Variants in STXBP5L observed in about 807,000 individuals in gnomAD.
STXBP5L encodes the protein syntaxin binding protein 5L.
A neutral mutation model predicts 144.5 loss-of-function variants in STXBP5L; 65 were observed. The ratio of observed to expected loss-of-function variants is 0.45; its 90% CI spans 0.37 to 0.55. The LOEUF is 0.55. STXBP5L is among the 20% of genes least tolerant of loss of function. The probability of loss-of-function intolerance (pLI) is 0.00; values close to 1 mark genes in which losing one functional copy is unlikely to be tolerated. For missense variants in STXBP5L, 1,298 were observed against 1,405.5 expected (o/e 0.92, Z 1.22); for synonymous variants, 505 against 469.6 (o/e 1.08, Z -0.97).
At chr3:120,960,984 C>G (rs1046831074) in intron 3 of STXBP5L, among the ~76,000 whole-genome samples, 9 of 151,332 alleles carry the variant, frequency 5.9e-5, no homozygotes, top group African/African-American at 2.2e-4. Context: ...TTTTAAATTA[C>G]TGTTTAAATC....
chr3:121,348,916 A>G (rs550180639), intron 20 of STXBP5L, among the ~76,000 whole-genome samples: 3 of 152,038 alleles, frequency 2.0e-5, no homozygotes, highest in South Asian at 4.2e-4. Flanking sequence ...CAACTCCTGG[A>G]TTCATTGATT....
intron 3 of STXBP5L, among the ~76,000 whole-genome samples, chr3:120,982,806 G>T (rs1458055608): frequency 1.3e-5 from 2 of 152,178 alleles, no homozygotes; most frequent in South Asian, 2.1e-4. Context: ...GTGGTGGACT[G>T]GGCTAGGCAG....
At chr3:121,141,031 GAAAT>G (rs1161461881) in intron 7 of STXBP5L, among the ~76,000 whole-genome samples, 2 of 152,012 alleles carry the variant, frequency 1.3e-5, no homozygotes, top group African/African-American at 4.8e-5. Flanking sequence ...CAATATAAAA[GAAAT>G]AAACTTTTTA....
At chr3:120,912,102 T>A (rs1254069100) in intron 2 of STXBP5L, among the ~76,000 whole-genome samples, 1 of 152,142 alleles carries the variant, frequency 6.6e-6, no homozygotes, top group South Asian at 2.1e-4. Flanking sequence ...TTCCTTAGTA[T>A]TTCTGAAATT....
rs543682698 is a variant in STXBP5L, at chr3:121,340,683, G to C, written c.2176+22143G>C. On this transcript the variant is annotated intron_variant, in intron 20 of 26. Transcript: ENST00000471454. Reference sequence around the variant, plus strand: ...AACTCATCCTTTTTATGGCTGCAGAGTATTCCATGGTGTATATGAAGGCAC... The same window carrying C: ...AACTCATCCTTTTTATGGCTGCAGACTATTCCATGGTGTATATGAAGGCAC... 6.6e-5 allele frequency among the ~76,000 whole-genome samples: 10 copies of C among 152,244 alleles called. No individual in the cohort carries two copies. In the South Asian group the frequency reaches 2.1e-3, roughly 32 times the overall value.
chr3:121,237,573 T>A (rs1053675217), intron 12 of STXBP5L, among the ~76,000 whole-genome samples: 13 of 152,226 alleles, frequency 8.5e-5, no homozygotes, highest in African/African-American at 3.1e-4. Flanking sequence ...GTTGCTTAGA[T>A]TCCTCTCCTG....
chr3:121,046,075 G>A (rs2107568327), intron 5 of STXBP5L, among the ~76,000 whole-genome samples: 1 of 152,192 alleles, frequency 6.6e-6, no homozygotes, highest in East Asian at 1.9e-4. Context: ...TTAACATGAA[G>A]GACATCGAAT....
At chr3:121,179,631 C>T (rs576811084) in intron 9 of STXBP5L, among the ~76,000 whole-genome samples, 1 of 152,110 alleles carries the variant, frequency 6.6e-6, no homozygotes, top group African/African-American at 2.4e-5. Context: ...GATTATTGAG[C>T]TACTCAAGGA....
At chr3:121,200,468 C>T (rs537014662) in intron 9 of STXBP5L, among the ~76,000 whole-genome samples, 65 of 152,282 alleles carry the variant, frequency 4.3e-4, no homozygotes, top group African/African-American at 1.5e-3. Context: ...TTTCTCATGT[C>T]TCTGTCTCCT....
intron 3 of STXBP5L, among the ~76,000 whole-genome samples, chr3:120,961,294 C>CT (rs1265133791): frequency 1.4e-5 from 2 of 142,432 alleles, no homozygotes; most frequent in South Asian, 2.2e-4. Context: ...TTTAATTATA[C>CT]TTTAAGTTCT....
intron 3 of STXBP5L, among the ~76,000 whole-genome samples, chr3:121,003,958 C>T (rs1293675127): frequency 1.3e-5 from 2 of 151,992 alleles, no homozygotes; most frequent in Admixed American, 6.6e-5. Flanking sequence ...TGTAGCCTTG[C>T]AGTATAGTTT....
intron 19 of STXBP5L, among the ~76,000 whole-genome samples, chr3:121,316,672 T>C (rs1037163270): frequency 6.6e-6 from 1 of 152,214 alleles, no homozygotes; most frequent in Non-Finnish European, 1.5e-5. Flanking sequence ...TAGTTGCTGT[T>C]ATTACTATTA....
chr3:120,966,766 TGAG>T (rs892750357), intron 3 of STXBP5L, among the ~76,000 whole-genome samples: 8 of 152,130 alleles, frequency 5.3e-5, no homozygotes, highest in African/African-American at 4.8e-5. Context: ...GGGACCCACT[TGAG>T]GAGGCAGTGT....
chr3:120,991,081 T>C (rs1332021605), intron 3 of STXBP5L, among the ~76,000 whole-genome samples: 3 of 151,990 alleles, frequency 2.0e-5, no homozygotes. Context: ...AATCTACTCA[T>C]CTGACAAAGG....
At chr3:121,092,624 A>G (rs1164525794) in intron 5 of STXBP5L, among the ~76,000 whole-genome samples, 9 of 152,292 alleles carry the variant, frequency 5.9e-5, no homozygotes, top group Non-Finnish European at 8.8e-5. Flanking sequence ...TTGATTTTGC[A>G]TCCTGAGACT....
rs374480529 is a variant in STXBP5L at position 121,323,340 on chromosome 3, T to G, written c.2176+4800T>G. The stretch of plus-strand genomic sequence containing the variant: ...AGTTTGAGGTGTTACATTGAAATAT[T>G]TAACCCATCTTGCATTCATTTTTGT... On this transcript the variant is annotated intron_variant, in intron 20 of 26. Transcript: ENST00000471454. 5.9e-5 allele frequency among the ~76,000 whole-genome samples: 9 copies of G among 152,354 alleles called. 1 individual carries two copies. Among genetic ancestry groups the G allele is most frequent in the African/African-American group, 1.9e-4 (8 of 41,582 alleles).
chr3:120,971,380 C>A (rs577884720), intron 3 of STXBP5L, among the ~76,000 whole-genome samples: 1 of 151,924 alleles, frequency 6.6e-6, no homozygotes, highest in South Asian at 2.1e-4. Flanking sequence ...CGCACCCCCC[C>A]CAACTCCTTA....
intron 5 of STXBP5L, among the ~76,000 whole-genome samples, chr3:121,088,034 C>A (rs2042585214): frequency 6.6e-6 from 1 of 152,026 alleles, no homozygotes; most frequent in Admixed American, 6.6e-5. Flanking sequence ...GTTATTTCAG[C>A]TTTAACCATC....
chr3:121,087,689 G>A (rs1436797431), intron 5 of STXBP5L, among the ~76,000 whole-genome samples: 1 of 151,612 alleles, frequency 6.6e-6, no homozygotes, highest in African/African-American at 2.4e-5. Flanking sequence ...TTAGGGCTTA[G>A]GTTCTCCATT....
Sources: allele counts gnomAD v4.1 joint callset (sites outside exome capture counted in the v4.1 genomes callset), GRCh38; gene constraint gnomAD v4.1.1; transcripts MANE v1.5; gene names NCBI Gene and HGNC (gene_info 2026-07-23, HGNC 2026-07-21).